CEMIP: variants seen among roughly 807,000 people sequenced by gnomAD.
The protein encoded by CEMIP is cell migration-inducing and hyaluronan-binding protein.
In CEMIP, 105 loss-of-function variants were observed where a neutral mutation model predicts 156.9. That is an observed-to-expected ratio of 0.67 (90% CI 0.57 to 0.79). The LOEUF is 0.79. Ranked by LOEUF, CEMIP falls within the 30% of genes least tolerant of loss-of-function variation. The probability of loss-of-function intolerance (pLI) is 0.00; values close to 1 mark genes in which losing one functional copy is unlikely to be tolerated. For missense variants in CEMIP, 1,457 were observed against 1,769.4 expected, an observed-to-expected ratio of 0.82 and a Z score of 3.17; for synonymous variants, 676 against 668.4, an observed-to-expected ratio of 1.01 and a Z score of -0.17.
At position 80,942,232 on chromosome 15, in the gene CEMIP, G is replaced by T; in HGVS notation, c.3613-19G>T. ...CTACCCAAACCTAACAATTACATTGGGTTCTATGTGTTTTCCAGAAAACAA... is the reference window on the plus strand; with the variant it reads ...CTACCCAAACCTAACAATTACATTGTGTTCTATGTGTTTTCCAGAAAACAA... On this transcript the variant is annotated intron_variant, in intron 26 of 29. Coordinates refer to ENST00000394685, the MANE Select transcript of CEMIP (RefSeq NM_001293298.2). 6 of 1,602,928 alleles carry T rather than the reference G, an allele frequency of 3.7e-6. No homozygotes were observed. Among genetic ancestry groups the T allele is most frequent in the Non-Finnish European group, 5.1e-6 (6 of 1,169,860 alleles).
chr15:80,936,325 C>T (rs986834742), intron 23 of CEMIP, among the ~76,000 whole-genome samples: 1 of 152,250 alleles, frequency 6.6e-6, no homozygotes, highest in Non-Finnish European at 1.5e-5. Context: ...CTCTCTCTCT[C>T]TCTCTTACTC....
intron 1 of CEMIP, among the ~76,000 whole-genome samples, chr15:80,817,034 G>A (rs1213440640): frequency 6.6e-6 from 1 of 152,110 alleles, no homozygotes; most frequent in Non-Finnish European, 1.5e-5. Flanking sequence ...GAATGGAGTT[G>A]GCTGACAGTA....
chr15:80,888,446 G>A (rs575962332), intron 8 of CEMIP, among the ~76,000 whole-genome samples: 14 of 152,322 alleles, frequency 9.2e-5, no homozygotes, highest in South Asian at 6.2e-4. Flanking sequence ...AATTCAGACC[G>A]TGAGACATGC....
chr15:80,863,459 A>T (rs1689841719), intron 1 of CEMIP, among the ~76,000 whole-genome samples: 1 of 152,210 alleles, frequency 6.6e-6, no homozygotes, highest in Admixed American at 6.5e-5. Flanking sequence ...CCCGCAGCCC[A>T]GTGTGGAAAA....
intron 28 of CEMIP, among the ~76,000 whole-genome samples, chr15:80,946,056 T>G (rs556232631): frequency 1.3e-5 from 2 of 152,204 alleles, no homozygotes; most frequent in Admixed American, 1.3e-4. Flanking sequence ...ATTTGCAAAA[T>G]AGAGGCAATA....
In CEMIP at chr15:80,906,098, CA is replaced by C. The variant is rs1287762024; in HGVS notation, c.1412-564del. Among the ~76,000 whole-genome samples, 9 of 152,238 alleles carry C rather than the reference CA, an allele frequency of 5.9e-5. No homozygotes were observed. The highest frequency in any genetic ancestry group is 4.4e-5 in the Non-Finnish European group (3 of 68,036). Reference sequence around the variant, plus strand: ...ATTATGAATTTGCACTGCTGTAAAGCAGGGGCTTTAAAGACAGAGGGGTTCT... The same window carrying C: ...ATTATGAATTTGCACTGCTGTAAAGCGGGGCTTTAAAGACAGAGGGGTTCT... On this transcript the variant is annotated intron_variant, in intron 12 of 29. Transcript: ENST00000394685. This position sits in a 1 kb window ranked among gnomAD's most constrained non-coding sequence, Gnocchi z 4.3.
chr15:80,780,979 C>G (rs972543890), intron 1 of CEMIP, among the ~76,000 whole-genome samples: 1 of 152,200 alleles, frequency 6.6e-6, no homozygotes, highest in Non-Finnish European at 1.5e-5. Flanking sequence ...TGACCAGGTC[C>G]TAGCTGAGCC....
chr15:80,847,002 T>G (rs562608713), intron 1 of CEMIP, among the ~76,000 whole-genome samples: 1 of 152,336 alleles, frequency 6.6e-6, no homozygotes, highest in African/African-American at 2.4e-5. Context: ...ATTGTGTATT[T>G]TAGAAGTTCT....
intron 25 of CEMIP, 23 bp from the exon 26 acceptor site, chr15:80,941,826 C>A: frequency 6.2e-7 from 1 of 1,608,146 alleles, no homozygotes; most frequent in South Asian, 1.1e-5. Flanking sequence ...AAGCAAATGC[C>A]CAGCAATGCT....
rs867896661 is a variant in CEMIP at position 80,878,764 on chromosome 15, G to A, written c.138G>A (p.Trp46Ter). 6.2e-7 allele frequency: 1 copy of A among 1,614,122 alleles called. No individual in the cohort carries two copies. The highest frequency in any genetic ancestry group is 8.5e-7 in the Non-Finnish European group (1 of 1,180,010). ...CPDQSPELQP[W>*]NPGHDQDHHV... is the part of the protein sequence containing the mutation. Reference sequence around the variant, plus strand: ...ACCAGAGCCCTGAGTTGCAACCCTGGAACCCTGGCCATGACCAAGACCACC... The same window carrying A: ...ACCAGAGCCCTGAGTTGCAACCCTGAAACCCTGGCCATGACCAAGACCACC... The change falls in exon 4 of 30, where the codon TGG (tryptophan) becomes TGA (stop). Residue 46 changes from tryptophan to a stop codon, truncating the protein, a stop_gained. Coordinates refer to ENST00000394685, the MANE Select transcript of CEMIP (RefSeq NM_001293298.2). LOFTEE classifies it high-confidence loss of function.
chr15:80,902,327 G>C (rs1465526602), intron 12 of CEMIP, among the ~76,000 whole-genome samples: 3 of 152,172 alleles, frequency 2.0e-5, no homozygotes, highest in East Asian at 3.9e-4. Context: ...TGGCTCTTCT[G>C]GATTATTTGA....
chr15:80,898,872 A>G (rs1307846604), intron 12 of CEMIP, among the ~76,000 whole-genome samples: 1 of 152,094 alleles, frequency 6.6e-6, no homozygotes, highest in Non-Finnish European at 1.5e-5. Flanking sequence ...CCTTTCCTCC[A>G]CAGGGAGGTG....
chr15:80,928,386 C>T (rs904956683), intron 19 of CEMIP, among the ~76,000 whole-genome samples: 25 of 152,130 alleles, frequency 1.6e-4, no homozygotes, highest in Admixed American at 4.6e-4. Context: ...TCCTGCCCTT[C>T]TCAGGGTCAG....
chr15:80,852,575 A>G (rs1316941330), intron 1 of CEMIP, among the ~76,000 whole-genome samples: 1 of 152,198 alleles, frequency 6.6e-6, no homozygotes, highest in South Asian at 2.1e-4. Flanking sequence ...TTCCTCTGCC[A>G]TCATCTTCTT....
chr15:80,903,843 G>A (rs1398505831), intron 12 of CEMIP, among the ~76,000 whole-genome samples: 1 of 152,226 alleles, frequency 6.6e-6, no homozygotes, highest in Non-Finnish European at 1.5e-5. Context: ...CGTAACTGAA[G>A]ACCACAGAGC....
intron 1 of CEMIP, among the ~76,000 whole-genome samples, chr15:80,851,927 G>A (rs528883696): frequency 6.6e-6 from 1 of 152,268 alleles, no homozygotes; most frequent in Admixed American, 6.5e-5. Flanking sequence ...AGGAGGAGGA[G>A]ACTGGAGATG....
intron 1 of CEMIP, among the ~76,000 whole-genome samples, chr15:80,867,911 G>A (rs187484596): frequency 5.9e-5 from 9 of 152,282 alleles, no homozygotes; most frequent in African/African-American, 2.2e-4. Context: ...TGACCCAGGA[G>A]AGGAGGACAG....
chr15:80,846,568 C>T (rs951845440), intron 1 of CEMIP, among the ~76,000 whole-genome samples: 5 of 152,216 alleles, frequency 3.3e-5, no homozygotes, highest in African/African-American at 1.2e-4. Context: ...CGGGGTGGTA[C>T]TGATACTGCC....
intron 13 of CEMIP, among the ~76,000 whole-genome samples, chr15:80,907,288 C>G (rs1336542939): frequency 6.6e-6 from 1 of 152,216 alleles, no homozygotes; most frequent in Admixed American, 6.5e-5. Flanking sequence ...ATTGGCTGGG[C>G]GTGGTGGCTC....
Sources: gnomAD v4.1 joint callset for allele counts (sites outside exome capture counted in the v4.1 genomes callset) on GRCh38, gnomAD v4.1.1 for gene constraint, Gnocchi (gnomAD v3.1) non-coding constraint, MANE v1.5 for transcripts, NCBI Gene and HGNC (gene_info 2026-07-23, HGNC 2026-07-21) for gene names.